WWOX: variants seen among roughly 807,000 people sequenced by gnomAD.
WWOX encodes the protein WW domain-containing oxidoreductase.
Under a neutral mutation model 46.2 loss-of-function variants are expected in WWOX, and 69 were observed. The ratio of observed to expected loss-of-function variants is 1.49; its 90% CI spans 1.23 to 1.82. The LOEUF (loss-of-function observed/expected upper bound fraction) is 1.82, where lower values mean the gene tolerates loss of function less well. Ranked by LOEUF, WWOX falls within the 40% of genes most tolerant of loss-of-function variation. The pLI, the probability that WWOX is intolerant of heterozygous loss-of-function variation, is 0.00. For synonymous variants in WWOX, 359 were observed against 202.6 expected (o/e 1.77, Z -6.56); for missense variants, 919 against 542.6 (o/e 1.69, Z -6.89).
intron 8 of WWOX, among the ~76,000 whole-genome samples, chr16:79,199,733 G>T (rs1484924060): frequency 1.3e-5 from 2 of 152,136 alleles, no homozygotes; most frequent in African/African-American, 2.4e-5. Flanking sequence ...AGGGTGTACT[G>T]GTAGAGGACA....
chr16:78,827,445 T>A (rs1271446072), intron 8 of WWOX, among the ~76,000 whole-genome samples: 1 of 146,668 alleles, frequency 6.8e-6, no homozygotes, highest in Non-Finnish European at 1.5e-5. Context: ...TCGAAGGCTG[T>A]TTTCTGTTCT....
At chr16:78,563,191 T>A (rs1418433610) in intron 8 of WWOX, among the ~76,000 whole-genome samples, 1 of 152,198 alleles carries the variant, frequency 6.6e-6, no homozygotes, top group African/African-American at 2.4e-5. Context: ...CATGGGAAAA[T>A]AAATCATAAT....
chr16:78,302,767 G>A (rs187895500), intron 5 of WWOX, among the ~76,000 whole-genome samples: 23 of 152,252 alleles, frequency 1.5e-4, no homozygotes, highest in Admixed American at 9.8e-4. Context: ...ATTTAAGTTT[G>A]CTACCTGTTA....
rs369720958 is a variant in WWOX, at chr16:78,706,815, G to T, written c.1056+274063G>T. On this transcript the variant is annotated intron_variant, in intron 8 of 8. Coordinates refer to ENST00000566780, the MANE Select transcript of WWOX (RefSeq NM_016373.4). Reference sequence around the variant, plus strand: ...CAGGATACAAACTACCTTTTTTTTTGGAGACAGATCTCACTTTATCACCCA... The same window carrying T: ...CAGGATACAAACTACCTTTTTTTTTTGAGACAGATCTCACTTTATCACCCA... 2.9e-4 allele frequency among the ~76,000 whole-genome samples: 44 copies of T among 151,228 alleles called. 1 individual carries two copies. The East Asian group carries it at 8.2e-3, about 28-fold the overall frequency.
At position 78,505,697 on chromosome 16, in the gene WWOX, C is replaced by T. The variant is rs115292029; in HGVS notation, c.1056+72945C>T. 5.6e-3 allele frequency among the ~76,000 whole-genome samples: 838 copies of T among 150,466 alleles called. 9 individuals carry two copies. The highest frequency in any genetic ancestry group is 0.019 in the African/African-American group (768 of 39,772). Reference sequence around the variant, plus strand: ...CCCTCATTCCCAGTCCTGGCCATGCCTCTCTGCTCTCCCTAGCACAGGGAG... The same window carrying T: ...CCCTCATTCCCAGTCCTGGCCATGCTTCTCTGCTCTCCCTAGCACAGGGAG... On this transcript the variant is annotated intron_variant, in intron 8 of 8. Transcript: ENST00000566780.
At chr16:79,063,533 C>T (rs2048390784) in intron 8 of WWOX, among the ~76,000 whole-genome samples, 1 of 152,186 alleles carries the variant, frequency 6.6e-6, no homozygotes, top group South Asian at 2.1e-4. Flanking sequence ...AGTGTTTGGG[C>T]CCCTTTCAGG....
At chr16:78,592,350 A>G (rs1443945144) in intron 8 of WWOX, among the ~76,000 whole-genome samples, 1 of 152,274 alleles carries the variant, frequency 6.6e-6, no homozygotes, top group Non-Finnish European at 1.5e-5. Context: ...ACATTCAAGC[A>G]GTCACTTAAT....
chr16:78,717,365 A>C (rs1377644948), intron 8 of WWOX, among the ~76,000 whole-genome samples: 2 of 152,218 alleles, frequency 1.3e-5, no homozygotes, highest in Non-Finnish European at 2.9e-5. Flanking sequence ...ATGTAATACA[A>C]TCCTGCTTAA....
At chr16:79,188,092 C>T (rs1173390613) in intron 8 of WWOX, among the ~76,000 whole-genome samples, 1 of 152,160 alleles carries the variant, frequency 6.6e-6, no homozygotes, top group African/African-American at 2.4e-5. Flanking sequence ...GTGGGCAGTA[C>T]AGTGTAGAGT....
intron 8 of WWOX, among the ~76,000 whole-genome samples, chr16:78,960,786 T>A (rs1280545475): frequency 2.6e-5 from 4 of 152,190 alleles, no homozygotes; most frequent in African/African-American, 9.6e-5. Context: ...TTTAGTCACC[T>A]TATTTTTTTT....
chr16:78,362,421 C>A (rs1176575039), intron 5 of WWOX, among the ~76,000 whole-genome samples: 1 of 152,082 alleles, frequency 6.6e-6, no homozygotes, highest in Non-Finnish European at 1.5e-5. Context: ...ACCAGCCTCA[C>A]CAACATGGTG....
chr16:78,689,942 C>T (rs1030224590), intron 8 of WWOX, among the ~76,000 whole-genome samples: 1 of 152,090 alleles, frequency 6.6e-6, no homozygotes, highest in African/African-American at 2.4e-5. Flanking sequence ...CTCACTGCAA[C>T]CTCTGCCTCG....
At chr16:78,717,661 G>T (rs2048595498) in intron 8 of WWOX, among the ~76,000 whole-genome samples, 1 of 152,096 alleles carries the variant, frequency 6.6e-6, no homozygotes, top group Non-Finnish European at 1.5e-5. Context: ...AATGAAAGAG[G>T]GGTTTTCCAA....
intron 5 of WWOX, among the ~76,000 whole-genome samples, chr16:78,209,012 A>G (rs1007804861): frequency 6.6e-6 from 1 of 152,170 alleles, no homozygotes; most frequent in Non-Finnish European, 1.5e-5. Flanking sequence ...TGGTTTTGTC[A>G]ATTCCTATTG....
intron 8 of WWOX, among the ~76,000 whole-genome samples, chr16:79,166,690 C>G (rs569399982): frequency 2.5e-4 from 38 of 152,332 alleles, no homozygotes; most frequent in South Asian, 4.1e-4. Flanking sequence ...CACATGGTGA[C>G]TACTGTCCCT....
chr16:78,204,054 C>A (rs2036315884), intron 5 of WWOX, among the ~76,000 whole-genome samples: 1 of 152,138 alleles, frequency 6.6e-6, no homozygotes, highest in Non-Finnish European at 1.5e-5. Context: ...ACTCCAGGGA[C>A]AGGAATGGTG....
intron 8 of WWOX, among the ~76,000 whole-genome samples, chr16:79,099,156 C>A (rs2049138229): frequency 1.3e-5 from 2 of 152,286 alleles, no homozygotes; most frequent in South Asian, 2.1e-4. Context: ...AGGGAGAACT[C>A]ACTCACTACC....
intron 5 of WWOX, among the ~76,000 whole-genome samples, chr16:78,246,981 A>G (rs2037833545): frequency 6.6e-6 from 1 of 152,094 alleles, no homozygotes; most frequent in Non-Finnish European, 1.5e-5. Context: ...TGCAGTTGGA[A>G]TCTTGCATGG....
At chr16:78,783,732 TTGATGA>T (rs200531068) in intron 8 of WWOX, among the ~76,000 whole-genome samples, 2 of 15,066 alleles carry the variant, frequency 1.3e-4, no homozygotes, top group African/African-American at 6.9e-4. Context: ...GATGTTGATG[TTGATGA>T]TGATGGTGAT....
Sources: allele counts gnomAD v4.1 joint callset (sites outside exome capture counted in the v4.1 genomes callset), GRCh38; gene constraint gnomAD v4.1.1; transcripts MANE v1.5; gene names NCBI Gene and HGNC (gene_info 2026-07-23, HGNC 2026-07-21).